ANXA6: variants seen among roughly 807,000 people sequenced by gnomAD.
The protein encoded by ANXA6 is annexin A6.
A neutral mutation model predicts 95.4 loss-of-function variants in ANXA6; 71 were observed. That is an observed-to-expected ratio of 0.74 (90% CI 0.61 to 0.91). The LOEUF is 0.91. Among genes scored for constraint, ANXA6 ranks in the 40% least tolerant of loss-of-function variants. The pLI, the probability that ANXA6 is intolerant of heterozygous loss-of-function variation, is 0.00. For missense variants in ANXA6, 830 were observed against 876.4 expected (o/e 0.95, Z 0.67); for synonymous variants, 289 against 315.9 (o/e 0.91, Z 0.90).
At chr5:151,136,163 C>G in intron 7 of ANXA6, 93 bp downstream of exon 7, 1 of 1,226,028 alleles carries the variant, frequency 8.2e-7, no homozygotes, top group South Asian at 1.3e-5. Context: ...CCAGGGGAAG[C>G]TGACCAGACC....
Position 151,128,186 on chromosome 5 carries a change from A to G in ANXA6, c.972T>C (p.Asp324=). 2.5e-6 allele frequency: 4 copies of G among 1,612,146 alleles called. No homozygotes were observed. The highest frequency in any genetic ancestry group is 3.4e-6 in the Non-Finnish European group (4 of 1,179,218). ...GGGGCCAAGAAGCCACTTACTCATC[A>G]TCTCCCCCAGACAGCTTCAGCAGAG... ...KKTLLKLSGG[D]DDAAGQFFPE... is the part of the protein sequence containing the mutation. The change falls in exon 13 of 26, where the codon GAT becomes GAC. Residue 324 remains aspartate, a synonymous_variant. Coordinates refer to ENST00000354546, the MANE Select transcript of ANXA6 (RefSeq NM_001155.5).
At position 151,129,432 on chromosome 5, in the gene ANXA6, T is replaced by C; in HGVS notation, c.893A>G (p.Glu298Gly). 1 of 1,613,514 alleles carries C rather than the reference T, an allele frequency of 6.2e-7. No individual in the cohort carries two copies. Reference protein sequence around the residue: ...DIREIFRTKYEKSLYSMIKND... With the variant: ...DIREIFRTKYGKSLYSMIKND... ...CTTGATCATGCTGTAGAGGGACTTCTCATACTTGGTCCGGAAGATCTCCCG... is the reference window on the plus strand; with the variant it reads ...CTTGATCATGCTGTAGAGGGACTTCCCATACTTGGTCCGGAAGATCTCCCG... The change falls in exon 12 of 26, where the codon GAG becomes GGG. Residue 298 changes from glutamate to glycine, a missense_variant. Physicochemically the swap from Glu to Gly is moderately conservative, Grantham distance 98. Transcript: ENST00000354546.
rs562699260 is a variant in ANXA6 at position 151,107,113 on chromosome 5, G to C, written c.1780+1342C>G. ...GTGTCCTCTTTTGTAAAATAAGCTG[G>C]TTAAGAGCACCTGATGAGAATGTAA... On this transcript the variant is annotated intron_variant, in intron 23 of 25. Coordinates refer to ENST00000354546, the MANE Select transcript of ANXA6 (RefSeq NM_001155.5). 3.9e-5 allele frequency among the ~76,000 whole-genome samples: 6 copies of C among 152,278 alleles called. 1 individual carries two copies. In the South Asian group the frequency reaches 1.2e-3, roughly 32 times the overall value.
At chr5:151,138,062 A>C (rs1765718431) in intron 5 of ANXA6, among the ~76,000 whole-genome samples, 1 of 152,222 alleles carries the variant, frequency 6.6e-6, no homozygotes, top group African/African-American at 2.4e-5. Context: ...TAAGTGCATC[A>C]GTTTATAAAA....
rs770520047 is a variant in ANXA6 at position 151,103,637 on chromosome 5, A to G, written c.1895T>C (p.Ile632Thr). 5 of 1,611,698 alleles carry G rather than the reference A, an allele frequency of 3.1e-6. No individual in the cohort carries two copies. Among genetic ancestry groups the G allele is most frequent in the Admixed American group, 1.7e-5 (1 of 59,690 alleles). Reference sequence around the variant, plus strand: ...TTCCCTCCGGATGTTGAGCAGGTCAATCTCACTGCGGGATACCATGATCCT... The same window carrying G: ...TTCCCTCCGGATGTTGAGCAGGTCAGTCTCACTGCGGGATACCATGATCCT... Reference protein sequence around the residue: ...LTRIMVSRSEIDLLNIRREFI... With the variant: ...LTRIMVSRSETDLLNIRREFI... The change falls in exon 25 of 26, where the codon ATT becomes ACT. Residue 632 changes from isoleucine (I) to threonine (T), a missense_variant. Transcript: ENST00000354546.
intron 20 of ANXA6, among the ~76,000 whole-genome samples, chr5:151,112,360 G>A (rs1191662157): frequency 6.6e-6 from 1 of 152,000 alleles, no homozygotes; most frequent in Non-Finnish European, 1.5e-5. Flanking sequence ...AGAAACTGTC[G>A]AGACACCTTT....
chr5:151,121,887 A>G (rs1364331767), intron 17 of ANXA6, among the ~76,000 whole-genome samples: 1 of 152,218 alleles, frequency 6.6e-6, no homozygotes, highest in Non-Finnish European at 1.5e-5. Flanking sequence ...CCTGAGAGTG[A>G]AGCCAGAAGG....
intron 7 of ANXA6, 127 bp downstream of exon 7, chr5:151,136,129 G>C (rs1765652200): frequency 2.5e-6 from 2 of 793,948 alleles, no homozygotes. Flanking sequence ...AAGAGGATTA[G>C]CCAAATACAC....
rs553803015 is a variant in ANXA6, at chr5:151,137,286, G to A, written c.354C>T (p.Ile118=). Residue 118 remains isoleucine (I), a synonymous_variant, in exon 6 of 26, where the codon ATC becomes ATT. Coordinates refer to ENST00000354546, the MANE Select transcript of ANXA6 (RefSeq NM_001155.5). ...IGTDEKCLIE[I]LASRTNEQMH... ...TCTGCTCATTGGTCCGGGAAGCCAAGATCTCAATGAGGCACTTCTCATCAG... is the reference window on the plus strand; with the variant it reads ...TCTGCTCATTGGTCCGGGAAGCCAAAATCTCAATGAGGCACTTCTCATCAG... The A allele has an allele frequency of 1.5e-5, 24 of 1,613,584 alleles. 1 individual carries two copies. In the South Asian group the frequency reaches 2.0e-4, roughly 13 times the overall value.
chr5:151,134,662 C>A (rs1416940399), intron 7 of ANXA6, among the ~76,000 whole-genome samples, 179 bp from the exon 8 acceptor site: 2 of 152,196 alleles, frequency 1.3e-5, no homozygotes, highest in Non-Finnish European at 2.9e-5. Flanking sequence ...TCAAAAGGGA[C>A]CCTCCCTCTG....
chr5:151,137,918 C>T lies in ANXA6; in HGVS notation c.319-597G>A, dbSNP rs564648823. Among the ~76,000 whole-genome samples, 114 of 152,302 alleles carry T rather than the reference C, an allele frequency of 7.5e-4. 1 individual carries two copies. Among genetic ancestry groups the T allele is most frequent in the African/African-American group, 2.7e-3 (111 of 41,566 alleles). ...CTAAAACACAAAGGTTCTAGTTCTG[C>T]CTCCTCCAGCTTTGTGAATTCTCTT... On this transcript the variant is annotated intron_variant, in intron 5 of 25. Coordinates refer to ENST00000354546, the MANE Select transcript of ANXA6 (RefSeq NM_001155.5).
At chr5:151,105,601 G>A (rs1351104500) in intron 23 of ANXA6, among the ~76,000 whole-genome samples, 2 of 152,114 alleles carry the variant, frequency 1.3e-5, no homozygotes, top group African/African-American at 4.8e-5. Context: ...CCCAAGGCAC[G>A]GGGCCTCAAA....
intron 5 of ANXA6, among the ~76,000 whole-genome samples, chr5:151,138,196 T>C (rs1450119102): frequency 3.3e-5 from 5 of 152,144 alleles, no homozygotes; most frequent in African/African-American, 7.2e-5. Flanking sequence ...TACCTCTACC[T>C]CAACCGGGCT....
chr5:151,151,148 A>G (rs1766097761), intron 1 of ANXA6: 1 of 152,236 alleles, frequency 6.6e-6, no homozygotes, highest in Non-Finnish European at 1.5e-5. Context: ...AGATGTTCAG[A>G]CTGCAGTTCT....
intron 20 of ANXA6, among the ~76,000 whole-genome samples, chr5:151,115,955 C>G (rs1257411156): frequency 6.6e-6 from 1 of 152,224 alleles, no homozygotes; most frequent in Non-Finnish European, 1.5e-5. Context: ...TCAAATAAAA[C>G]CACCACCACT....
chr5:151,116,080 T>C (rs1764990104), intron 20 of ANXA6, among the ~76,000 whole-genome samples: 1 of 152,240 alleles, frequency 6.6e-6, no homozygotes, highest in African/African-American at 2.4e-5. Flanking sequence ...GTATGCATTC[T>C]AAAAATTATA....
At chr5:151,133,476 C>T (rs184611134) in intron 8 of ANXA6, among the ~76,000 whole-genome samples, 4 of 152,288 alleles carry the variant, frequency 2.6e-5, no homozygotes, top group African/African-American at 4.8e-5. Flanking sequence ...TGCTCCTAGG[C>T]GGCACACCTA....
chr5:151,139,348 G>A lies in ANXA6; in HGVS notation c.204+5C>T, dbSNP rs763270583. On this transcript the variant is annotated splice_donor_5th_base_variant and intron_variant, in intron 4 of 25. Coordinates refer to ENST00000354546, the MANE Select transcript of ANXA6 (RefSeq NM_001155.5). ...CCCCATGGGCCCTCCGGTTGCTGTG[G>A]TTACCTTGCCGTAGAGGGACTTGTA... 7 of 1,605,592 alleles carry A rather than the reference G, an allele frequency of 4.4e-6. No individual in the cohort carries two copies. The Admixed American group carries it at 1.2e-4, about 27-fold the overall frequency.
intron 7 of ANXA6, among the ~76,000 whole-genome samples, chr5:151,135,670 G>A (rs761516929): frequency 2.6e-5 from 4 of 152,202 alleles, no homozygotes; most frequent in East Asian, 1.9e-4. Flanking sequence ...CACTGCAGTC[G>A]TGCAGAATGC....
Sources: gnomAD v4.1 joint callset for allele counts (sites outside exome capture counted in the v4.1 genomes callset) on GRCh38, gnomAD v4.1.1 for gene constraint, MANE v1.5 for transcripts, NCBI Gene and HGNC (gene_info 2026-07-23, HGNC 2026-07-21) for gene names.